Variants in MAGI1 observed in about 807,000 individuals in gnomAD.
MAGI1 encodes the protein membrane-associated guanylate kinase, WW and PDZ domain-containing protein 1.
A neutral mutation model predicts 139.9 loss-of-function variants in MAGI1; 58 were observed. That is an observed-to-expected ratio of 0.41 (90% confidence interval 0.34 to 0.52). The LOEUF is 0.52. Ranked by LOEUF, MAGI1 falls within the 20% of genes least tolerant of loss-of-function variation. MAGI1 has a pLI of 0.12. For synonymous variants in MAGI1, 812 were observed against 737.9 expected (o/e 1.10, Z -1.63); for missense variants, 1,874 against 1,901.6 (o/e 0.99, Z 0.27).
intron 1 of MAGI1, among the ~76,000 whole-genome samples, chr3:65,646,449 G>A (rs978524694): frequency 6.6e-6 from 1 of 152,052 alleles, no homozygotes. Context: ...AACAATCGTT[G>A]TTAGAGACTT....
intron 1 of MAGI1, among the ~76,000 whole-genome samples, chr3:65,862,657 T>C (rs1025022435): frequency 2.0e-5 from 3 of 152,172 alleles, no homozygotes; most frequent in Middle Eastern, 3.2e-3. Flanking sequence ...TATAAAAAAC[T>C]TCATGACAGT....
chr3:65,439,096 C>G (rs1948054374), intron 9 of MAGI1, among the ~76,000 whole-genome samples: 1 of 151,984 alleles, frequency 6.6e-6, no homozygotes, highest in Non-Finnish European at 1.5e-5. Context: ...CAATGAAAAA[C>G]TGGGGAAAGC....
At chr3:65,824,740 C>T (rs1371384423) in intron 1 of MAGI1, among the ~76,000 whole-genome samples, 1 of 152,144 alleles carries the variant, frequency 6.6e-6, no homozygotes, top group African/African-American at 2.4e-5. Context: ...GGGTTTTACC[C>T]AGAAAGGCCA....
intron 2 of MAGI1, among the ~76,000 whole-genome samples, chr3:65,604,219 G>T (rs1045854779): frequency 2.0e-5 from 3 of 151,180 alleles, no homozygotes; most frequent in African/African-American, 7.3e-5. Flanking sequence ...TGAGGATCAA[G>T]AAATATTGGT....
At chr3:65,409,391 G>A (rs1945601470) in intron 12 of MAGI1, among the ~76,000 whole-genome samples, 1 of 152,148 alleles carries the variant, frequency 6.6e-6, no homozygotes, top group Non-Finnish European at 1.5e-5. Flanking sequence ...AGAATGGCTA[G>A]CATTTAATCG....
intron 5 of MAGI1, among the ~76,000 whole-genome samples, chr3:65,467,422 CA>C (rs1448659998): frequency 7.6e-4 from 116 of 152,144 alleles, no homozygotes; most frequent in African/African-American, 2.7e-3. Context: ...AACAAAGTAA[CA>C]AGTATATATA....
chr3:65,696,672 CAATACAATAA>C (rs970718710), intron 1 of MAGI1, among the ~76,000 whole-genome samples: 9 of 151,706 alleles, frequency 5.9e-5, no homozygotes, highest in African/African-American at 2.2e-4. Context: ...ACATTTGTGG[CAATACAATAA>C]AATAAAATAA....
chr3:65,520,542 A>G (rs1182462276), intron 2 of MAGI1, among the ~76,000 whole-genome samples: 1 of 152,166 alleles, frequency 6.6e-6, no homozygotes, highest in African/African-American at 2.4e-5. Context: ...TGTAGGTAAA[A>G]TGCTTTGCCC....
chr3:65,367,654 A>AAGAC (rs1941563324), intron 18 of MAGI1, among the ~76,000 whole-genome samples: 1 of 152,142 alleles, frequency 6.6e-6, no homozygotes. Context: ...TTTACAAATG[A>AAGAC]AGACACTGGG....
At chr3:65,400,511 A>G (rs1177515211) in intron 13 of MAGI1, among the ~76,000 whole-genome samples, 1 of 152,104 alleles carries the variant, frequency 6.6e-6, no homozygotes, top group Non-Finnish European at 1.5e-5. Context: ...AACCACATGG[A>G]AACATCCCTC....
chr3:65,437,158 G>T lies in MAGI1; in HGVS notation c.1360C>A (p.Gln454Lys). Residue 454 changes from glutamine (Q) to lysine (K), a missense_variant, in exon 10 of 23, where the codon CAG becomes AAG. Around this residue, in one of 5 missense-constraint regions of MAGI1, gnomAD observed 648 missense variants for 598.1 expected, o/e 1.08. Transcript: ENST00000402939. Reference sequence around the variant, plus strand: ...ATTAGAAAGACAAGTACTTTACCCTGAAGTGGAACTTCTCTGGCTGGCTCT... The same window carrying T: ...ATTAGAAAGACAAGTACTTTACCCTTAAGTGGAACTTCTCTGGCTGGCTCT... ...NPEPAREVPL[Q>K]GKPFFTRNPS... 6.3e-7 allele frequency: 1 copy of T among 1,598,812 alleles called. No individual in the cohort carries two copies. The highest frequency in any genetic ancestry group is 8.6e-7 in the Non-Finnish European group (1 of 1,167,130).
chr3:65,780,354 T>C (rs1320626364), intron 1 of MAGI1, among the ~76,000 whole-genome samples: 2 of 152,206 alleles, frequency 1.3e-5, no homozygotes, highest in East Asian at 1.9e-4. Context: ...TACTGATTAA[T>C]TTCAGTCAAT....
At chr3:65,956,238 G>A (rs2064120935) in intron 1 of MAGI1, among the ~76,000 whole-genome samples, 1 of 152,146 alleles carries the variant, frequency 6.6e-6, no homozygotes, top group African/African-American at 2.4e-5. Flanking sequence ...ATAACTATGG[G>A]CCAGGAACTA....
intron 4 of MAGI1, among the ~76,000 whole-genome samples, chr3:65,473,435 T>C (rs1383216690): frequency 2.0e-5 from 3 of 152,136 alleles, no homozygotes; most frequent in Admixed American, 2.0e-4. Context: ...AGACCTCTTA[T>C]TGCAACTACA....
chr3:65,609,183 G>A (rs1484667232), intron 2 of MAGI1, among the ~76,000 whole-genome samples: 5 of 152,110 alleles, frequency 3.3e-5, no homozygotes, highest in East Asian at 3.8e-4. Context: ...ATGAGTGTGC[G>A]TGGTGCATGT....
At chr3:65,885,531 A>G (rs2060495484) in intron 1 of MAGI1, among the ~76,000 whole-genome samples, 1 of 152,162 alleles carries the variant, frequency 6.6e-6, no homozygotes, top group African/African-American at 2.4e-5. Context: ...CTGGAATTGT[A>G]GCTTCCTTAA....
At chr3:65,769,586 T>C (rs1319307297) in intron 1 of MAGI1, among the ~76,000 whole-genome samples, 1 of 152,156 alleles carries the variant, frequency 6.6e-6, no homozygotes, top group Non-Finnish European at 1.5e-5. Flanking sequence ...AGCTGCAATT[T>C]CACAGCATTT....
intron 1 of MAGI1, among the ~76,000 whole-genome samples, chr3:66,005,765 C>T (rs1191750103): frequency 6.6e-6 from 1 of 152,040 alleles, no homozygotes; most frequent in Non-Finnish European, 1.5e-5. Flanking sequence ...TGGTAGAGGA[C>T]AAGAAACATA....
chr3:66,038,019 A>G lies in MAGI1; in HGVS notation c.290T>C (p.Val97Ala). ...ACCTTGTCTGACGGCCTTGAAGGTG[A>G]CGGCCTCCTTGCAGCTGTCGATGAC... ...LGVIDSCKEA[V>A]TFKAVRQGGR... is the part of the protein sequence containing the mutation. Residue 97 changes from valine (V) to alanine (A), a missense_variant, in exon 1 of 23, where the codon GTC becomes GCC. Around this residue, in one of 5 missense-constraint regions of MAGI1, gnomAD observed 648 missense variants for 598.1 expected, o/e 1.08. Transcript: ENST00000402939. The G allele has an allele frequency of 6.3e-7, 1 of 1,596,254 alleles. No homozygotes were observed. Among genetic ancestry groups the G allele is most frequent in the Non-Finnish European group, 8.5e-7 (1 of 1,170,298 alleles).
Sources: gnomAD v4.1 joint callset for allele counts (sites outside exome capture counted in the v4.1 genomes callset) on GRCh38, gnomAD v4.1.1 for gene constraint, gnomAD v4.1.1 regional missense constraint, MANE v1.5 for transcripts, NCBI Gene and HGNC (gene_info 2026-07-23, HGNC 2026-07-21) for gene names.